DPP6: variants seen among roughly 807,000 people sequenced by gnomAD.
DPP6 encodes the protein dipeptidyl peptidase like 6.
A neutral mutation model predicts 122.6 loss-of-function variants in DPP6; 69 were observed. The ratio of observed to expected loss-of-function variants is 0.56; its 90% CI spans 0.46 to 0.69. The LOEUF (loss-of-function observed/expected upper bound fraction) is 0.69. Among genes scored for constraint, DPP6 ranks in the 30% least tolerant of loss-of-function variants. The pLI, the probability that DPP6 is intolerant of heterozygous loss-of-function variation, is 0.00. For synonymous variants in DPP6, 418 were observed against 433.1 expected, an observed-to-expected ratio of 0.97 and a Z score of 0.43; for missense variants, 928 against 1,116.9, an observed-to-expected ratio of 0.83 and a Z score of 2.41.
intron 10 of DPP6, among the ~76,000 whole-genome samples, chr7:154,791,081 A>G (rs1462609591): frequency 3.9e-5 from 6 of 151,970 alleles, no homozygotes; most frequent in African/African-American, 1.4e-4. Context: ...GTGAAACCCC[A>G]TCTCTACTAA....
At chr7:154,261,053 G>A (rs759952443) in intron 1 of DPP6, among the ~76,000 whole-genome samples, 1 of 151,890 alleles carries the variant, frequency 6.6e-6, no homozygotes, top group Admixed American at 6.6e-5. Context: ...ATGCCACCAC[G>A]CCTGGGTAAT....
intron 1 of DPP6, among the ~76,000 whole-genome samples, chr7:154,297,061 C>G (rs1225422946): frequency 1.1e-5 from 1 of 89,512 alleles, no homozygotes; most frequent in Non-Finnish European, 2.3e-5. Flanking sequence ...GAAATGTATT[C>G]TGTTTTTTTT....
chr7:154,170,601 G>T lies in DPP6; in HGVS notation c.243+117538G>T, dbSNP rs147927303. ...TTACAATTTATTATCCTCCGAATCT[G>T]CCTGGGGTTTTGATAGAACCTGGCT... On this transcript the variant is annotated intron_variant, in intron 1 of 25. Coordinates refer to ENST00000377770, the MANE Select transcript of DPP6 (RefSeq NM_130797.4). 6.3e-3 allele frequency among the ~76,000 whole-genome samples: 953 copies of T among 152,232 alleles called. 9 individuals are homozygous for T. The highest frequency in any genetic ancestry group is 0.022 in the African/African-American group (898 of 41,530).
chr7:154,631,959 T>C (rs1476915073), intron 5 of DPP6, among the ~76,000 whole-genome samples: 2 of 152,124 alleles, frequency 1.3e-5, no homozygotes, highest in African/African-American at 2.4e-5. Flanking sequence ...AATTTGCAAA[T>C]TGGGCAGCCT....
At chr7:154,569,731 TAAA>T (rs60394462) in intron 5 of DPP6, among the ~76,000 whole-genome samples, 2 of 142,316 alleles carry the variant, frequency 1.4e-5, no homozygotes, top group African/African-American at 2.6e-5. Flanking sequence ...ACCACTGCAC[TAAA>T]AAAAAAAAAA....
chr7:153,985,626 A>G (rs1048589278), intron 1 of DPP6, among the ~76,000 whole-genome samples: 7 of 152,222 alleles, frequency 4.6e-5, no homozygotes, highest in African/African-American at 1.7e-4. Flanking sequence ...TCAGTAGATT[A>G]TATTGACAGG....
chr7:154,384,737 CTTTTATTTTT>C (rs1813931885), intron 1 of DPP6, among the ~76,000 whole-genome samples: 1 of 74,352 alleles, frequency 1.3e-5, no homozygotes, highest in African/African-American at 3.2e-5. Flanking sequence ...TTCTTTCTTT[CTTTTATTTTT>C]TTTTGAGACA....
At chr7:153,988,242 C>G (rs779225051) in intron 1 of DPP6, among the ~76,000 whole-genome samples, 10 of 151,768 alleles carry the variant, frequency 6.6e-5, no homozygotes, top group Non-Finnish European at 1.5e-4. Context: ...GCTCCACTTC[C>G]CAGCCAGGAG....
chr7:153,862,854 C>T, the DPP6 span, among the ~76,000 whole-genome samples: 1 of 151,864 alleles, frequency 6.6e-6, no homozygotes, highest in Middle Eastern at 3.2e-3. Context: ...ACATATAATA[C>T]TATTTAAAGC....
intron 1 of DPP6, among the ~76,000 whole-genome samples, chr7:154,017,821 T>C (rs1329321508): frequency 6.6e-6 from 1 of 151,840 alleles, no homozygotes; most frequent in Admixed American, 6.6e-5. Context: ...TGTGCTTCCA[T>C]TTGCTAATCC....
intron 1 of DPP6, among the ~76,000 whole-genome samples, chr7:153,905,484 T>TG (rs1799810108): frequency 1.3e-5 from 2 of 152,100 alleles, no homozygotes; most frequent in African/African-American, 4.8e-5. Context: ...TTCTACAAGG[T>TG]GTTTCGAAGC....
intron 1 of DPP6, among the ~76,000 whole-genome samples, chr7:154,202,395 C>T (rs530305819): frequency 3.3e-5 from 5 of 152,244 alleles, no homozygotes; most frequent in South Asian, 2.1e-4. Context: ...GTAAGGATGC[C>T]GAACACATTC....
At chr7:154,326,354 G>A (rs1037588722) in intron 1 of DPP6, among the ~76,000 whole-genome samples, 3 of 152,064 alleles carry the variant, frequency 2.0e-5, no homozygotes, top group Non-Finnish European at 2.9e-5. Context: ...TTATGCGGTC[G>A]AGTCTTTTGT....
chr7:154,150,773 T>G (rs1372579038), intron 1 of DPP6, among the ~76,000 whole-genome samples: 1 of 152,220 alleles, frequency 6.6e-6, no homozygotes, highest in South Asian at 2.1e-4. Flanking sequence ...CTACATTTAT[T>G]CATGCAGACG....
chr7:154,148,118 C>A (rs1446377430), intron 1 of DPP6, among the ~76,000 whole-genome samples: 19 of 147,266 alleles, frequency 1.3e-4, no homozygotes, highest in Non-Finnish European at 1.6e-4. Context: ...TTTTAGTGAG[C>A]CATGGCTTCC....
chr7:153,753,056 T>G, the DPP6 span, among the ~76,000 whole-genome samples: 3 of 152,186 alleles, frequency 2.0e-5, no homozygotes, highest in Non-Finnish European at 4.4e-5. Flanking sequence ...TATTATAATT[T>G]GAGACCCCAT....
intron 7 of DPP6, among the ~76,000 whole-genome samples, chr7:154,711,817 C>T (rs1460377889): frequency 6.6e-6 from 1 of 151,906 alleles, no homozygotes; most frequent in Admixed American, 6.6e-5. Flanking sequence ...TGTAATTAGC[C>T]CCCTCTTTAG....
chr7:154,391,480 A>G (rs1390974916), intron 1 of DPP6, among the ~76,000 whole-genome samples: 1 of 152,094 alleles, frequency 6.6e-6, no homozygotes, highest in Non-Finnish European at 1.5e-5. Context: ...GTCTTTCCAG[A>G]CCCAAATTCA....
intron 1 of DPP6, among the ~76,000 whole-genome samples, chr7:154,256,127 A>G (rs922180305): frequency 1.3e-5 from 2 of 152,222 alleles, no homozygotes; most frequent in African/African-American, 2.4e-5. Context: ...GTAGACTCGA[A>G]CATGATTTGA....
Sources: allele counts gnomAD v4.1 joint callset (sites outside exome capture counted in the v4.1 genomes callset), GRCh38; gene constraint gnomAD v4.1.1; transcripts MANE v1.5; gene names NCBI Gene and HGNC (gene_info 2026-07-23, HGNC 2026-07-21).